The following SEC31B variants were observed in gnomAD, a reference collection of about 807,000 sequenced individuals.
SEC31B encodes SEC31 homolog B, COPII component, also known as protein transport protein Sec31B.
In SEC31B, 113 loss-of-function variants were observed where a neutral mutation model predicts 135.0. The ratio of observed to expected loss-of-function variants is 0.84; its 90% CI spans 0.72 to 0.98. The LOEUF (loss-of-function observed/expected upper bound fraction) is 0.98, where lower values mean the gene tolerates loss of function less well. Among genes scored for constraint, SEC31B ranks in the 50% least tolerant of loss-of-function variants. SEC31B has a pLI of 0.00. For synonymous variants in SEC31B, 508 were observed against 549.4 expected (o/e 0.92, Z 1.05); for missense variants, 1,296 against 1,421.1 (o/e 0.91, Z 1.42).
intron 3 of SEC31B, among the ~76,000 whole-genome samples, chr10:100,511,609 T>C (rs756012840): frequency 1.7e-4 from 26 of 152,304 alleles, no homozygotes; most frequent in Non-Finnish European, 3.5e-4. Context: ...ATGTCTATTT[T>C]TTTAAAAAAG....
Position 100,505,299 on chromosome 10 carries a change from A to AACACACACAC in SEC31B, c.1179+52_1179+61dup, listed in dbSNP as rs58897924. On this transcript the variant is annotated intron_variant, in intron 10 of 25. Transcript: ENST00000370345. ...TGCTGGGCACATGGTAGGCTTCACAAACACACACACACACACACACACACA... is the reference window on the plus strand; with the variant it reads ...TGCTGGGCACATGGTAGGCTTCACAAACACACACACACACACACACACACACACACACACA... The AACACACACAC allele has an allele frequency of 1.9e-5, 29 of 1,488,330 alleles. No homozygotes were observed. The African/African-American group carries it at 3.2e-4, about 16-fold the overall frequency. The allele number at this position is 1,488,330 out of a possible 1,614,324, so 92.2% of individuals were successfully genotyped here. A position where few individuals can be genotyped will look rare whatever the true frequency, so the allele number is the denominator to read the frequency against.
intron 20 of SEC31B, 56 bp from the exon 21 acceptor site, chr10:100,490,378 C>A: frequency 6.6e-7 from 1 of 1,512,422 alleles, no homozygotes; most frequent in South Asian, 1.3e-5. Flanking sequence ...AGGAGCAACT[C>A]AGAGCATATC....
intron 1 of SEC31B, 35 bp from the exon 2 acceptor site, chr10:100,517,032 T>C (rs1040386843): frequency 1.9e-6 from 2 of 1,046,214 alleles, no homozygotes; most frequent in African/African-American, 3.1e-5. Context: ...AACAGCCAGA[T>C]CCAGGGAGCA....
chr10:100,499,033 A>G, intron 13 of SEC31B, 127 bp downstream of exon 13: 1 of 763,338 alleles, frequency 1.3e-6, no homozygotes, highest in Non-Finnish European at 2.2e-6. Context: ...GAGAGTGAGG[A>G]GTCTGAAGAC....
Position 100,498,211 on chromosome 10 carries a change from C to T in SEC31B, c.1685-4G>A. The T allele has an allele frequency of 6.2e-7, 1 of 1,614,044 alleles. No individual in the cohort carries two copies. Among genetic ancestry groups the T allele is most frequent in the Non-Finnish European group, 8.5e-7 (1 of 1,179,960 alleles). On this transcript the variant is annotated splice_region_variant and splice_polypyrimidine_tract_variant and intron_variant, in intron 14 of 25. Transcript: ENST00000370345. The stretch of plus-strand genomic sequence containing the variant: ...TGGCTTAGGAGTCCATCAATATCTG[C>T]AGGCAGAAGCATCCCCTGTGCATTA...
At chr10:100,495,597 G>A (rs1851392950) in intron 18 of SEC31B, 51 bp from the exon 19 acceptor site, 5 of 1,557,424 alleles carry the variant, frequency 3.2e-6, no homozygotes, top group African/African-American at 2.7e-5. Flanking sequence ...AACAATCAAG[G>A]CCCCAGGTAG....
Position 100,516,102 on chromosome 10 carries a change from A to C in SEC31B, c.197T>G (p.Leu66Trp). ...TCAATAGATCAGACAATACCTGCTC[A>C]AGGCAGAAAGGACTCCTCTGTGTTT... Reference protein sequence around the residue: ...DLKHRGVLSALSRFHKLVWGS... With the variant: ...DLKHRGVLSAWSRFHKLVWGS... Residue 66 changes from leucine (L) to tryptophan (W), a missense_variant, in exon 3 of 26, where the codon TTG becomes TGG. Transcript: ENST00000370345. 2 of 1,614,134 alleles carry C rather than the reference A, an allele frequency of 1.2e-6. No homozygotes were observed. Among genetic ancestry groups the C allele is most frequent in the Non-Finnish European group, 1.7e-6 (2 of 1,180,000 alleles).
At chr10:100,514,980 CAAA>C (rs1232368371) in intron 3 of SEC31B, among the ~76,000 whole-genome samples, 4 of 63,936 alleles carry the variant, frequency 6.3e-5, no homozygotes, top group Admixed American at 1.9e-4. Context: ...GACTCCATCT[CAAA>C]AAAAAAAAAA....
At chr10:100,516,067 TG>T in intron 3 of SEC31B, 28 bp downstream of exon 3, 2 of 1,613,518 alleles carry the variant, frequency 1.2e-6, no homozygotes, top group South Asian at 2.2e-5. Flanking sequence ...GTATCTACCC[TG>T]TATACCCATC....
Position 100,489,414 on chromosome 10 carries a change from G to A in SEC31B, c.3025-16C>T, listed in dbSNP as rs1305628769. ...TCTCTGGCAGCTAAAGAGACAGAAG[G>A]AAAGACATGAGTCTAACCTGAGAGA... On this transcript the variant is annotated splice_polypyrimidine_tract_variant and intron_variant, in intron 22 of 25. Transcript: ENST00000370345. 6.2e-7 allele frequency: 1 copy of A among 1,612,752 alleles called. No individual in the cohort carries two copies. The highest frequency in any genetic ancestry group is 8.5e-7 in the Non-Finnish European group (1 of 1,179,700).
At chr10:100,491,025 A>G in intron 19 of SEC31B, 142 bp from the exon 20 acceptor site, 2 of 516,414 alleles carry the variant, frequency 3.9e-6, no homozygotes, top group South Asian at 1.4e-4. Flanking sequence ...AACATCTAAA[A>G]ACTGATAAAG....
intron 1 of SEC31B, among the ~76,000 whole-genome samples, chr10:100,519,183 T>A (rs1851903320): frequency 6.6e-6 from 1 of 152,180 alleles, no homozygotes; most frequent in South Asian, 2.1e-4. Flanking sequence ...CTAGAAAGTG[T>A]TTTAATCGCT....
In SEC31B at chr10:100,502,408, A is replaced by G; in HGVS notation, c.1256T>C (p.Val419Ala). The G allele has an allele frequency of 1.2e-6, 2 of 1,614,176 alleles. No homozygotes were observed. The highest frequency in any genetic ancestry group is 1.3e-5 in the African/African-American group (1 of 75,048). ...TTCTGTGGTGACTTGACTGATGAAGACTAGGCGGGGGCAAGGCTGTGGCAC... is the reference window on the plus strand; with the variant it reads ...TTCTGTGGTGACTTGACTGATGAAGGCTAGGCGGGGGCAAGGCTGTGGCAC... The part of the protein sequence containing the change: ...HLVPQPCPRL[V>A]FISQVTTESE... The change falls in exon 11 of 26, where the codon GTC becomes GCC. Residue 419 changes from valine to alanine, a missense_variant. Coordinates refer to ENST00000370345, the MANE Select transcript of SEC31B (RefSeq NM_015490.4).
rs1001782379 is a variant in SEC31B at position 100,488,067 on chromosome 10, T to C, written c.3320A>G (p.Gln1107Arg). The change falls in exon 25 of 26, where the codon CAG (glutamine) becomes CGG (arginine). Residue 1107 changes from glutamine to arginine, a missense_variant. Gln to Arg is a conservative substitution (Grantham distance 43). Transcript: ENST00000370345. ...CTTCTCATATAGATACTCCAGACGCTGGGCTGCCTCTTCCAGCTTCCTTTT... is the reference window on the plus strand; with the variant it reads ...CTTCTCATATAGATACTCCAGACGCCGGGCTGCCTCTTCCAGCTTCCTTTT... ...KTKRKLEEAA[Q>R]RLEYLYEKLC... 1 of 1,614,088 alleles carries C rather than the reference T, an allele frequency of 6.2e-7. No individual in the cohort carries two copies. The highest frequency in any genetic ancestry group is 8.5e-7 in the Non-Finnish European group (1 of 1,179,994).
intron 6 of SEC31B, 27 bp downstream of exon 6, chr10:100,507,881 G>C: frequency 1.2e-6 from 2 of 1,614,112 alleles, no homozygotes; most frequent in Non-Finnish European, 1.7e-6. Flanking sequence ...CAGAGCCCAA[G>C]CCTGTGTTCT....
At chr10:100,505,902 G>A (rs1208390644) in intron 9 of SEC31B, 138 bp downstream of exon 9, 22 of 1,520,164 alleles carry the variant, frequency 1.4e-5, no homozygotes, top group Non-Finnish European at 1.9e-5. Flanking sequence ...ATGGGCACTA[G>A]GGCAAAGGTG....
At chr10:100,489,880 T>C (rs1030554555) in intron 21 of SEC31B, 119 bp from the exon 22 acceptor site, 5 of 1,554,446 alleles carry the variant, frequency 3.2e-6, no homozygotes, top group South Asian at 1.2e-5. Context: ...CTGCAGACCA[T>C]CTACACTCCC....
intron 11 of SEC31B, among the ~76,000 whole-genome samples, chr10:100,500,663 C>CAGGTACAGT (rs1330417046): frequency 6.6e-6 from 1 of 152,144 alleles, no homozygotes; most frequent in Non-Finnish European, 1.5e-5. Context: ...AGAAGTTGCA[C>CAGGTACAGT]AGGTACAGTA....
intron 13 of SEC31B, 22 bp from the exon 14 acceptor site, chr10:100,498,826 T>G: frequency 6.4e-7 from 1 of 1,567,616 alleles, no homozygotes; most frequent in Non-Finnish European, 8.8e-7. Flanking sequence ...AGGACAGAGG[T>G]GACTACTTAG....
Sources: gnomAD v4.1 joint callset for allele counts (sites outside exome capture counted in the v4.1 genomes callset) on GRCh38, gnomAD v4.1.1 for gene constraint, MANE v1.5 for transcripts, NCBI Gene and HGNC (gene_info 2026-07-23, HGNC 2026-07-21) for gene names.